The following LRP1B variants were observed in gnomAD, a reference collection of about 807,000 sequenced individuals.
LRP1B encodes the protein low-density lipoprotein receptor-related protein 1B.
In LRP1B, 217 loss-of-function variants were observed where a neutral mutation model predicts 556.6. The observed-to-expected ratio is 0.39, with a 90% CI of 0.35 to 0.44. The LOEUF is 0.44. LRP1B is among the 20% of genes least tolerant of loss of function. LRP1B has a pLI of 1.00. For synonymous variants in LRP1B, 2,047 were observed against 1,865.8 expected, an observed-to-expected ratio of 1.10 and a Z score of -2.50; for missense variants, 5,053 against 5,620.8, an observed-to-expected ratio of 0.90 and a Z score of 3.23.
intron 20 of LRP1B, among the ~76,000 whole-genome samples, chr2:140,941,383 G>A (rs1447884323): frequency 6.6e-6 from 1 of 152,050 alleles, no homozygotes; most frequent in African/African-American, 2.4e-5. Flanking sequence ...GTCAATACGG[G>A]CAACACAGGT....
chr2:140,589,436 A>C (rs1248965401), intron 43 of LRP1B, among the ~76,000 whole-genome samples: 1 of 152,222 alleles, frequency 6.6e-6, no homozygotes, highest in Non-Finnish European at 1.5e-5. Context: ...CCAGTGATTG[A>C]ACTCTTAGAC....
intron 2 of LRP1B, among the ~76,000 whole-genome samples, chr2:141,506,125 A>G (rs1471571384): frequency 3.3e-5 from 5 of 152,052 alleles, no homozygotes. Flanking sequence ...AAATGTTAAC[A>G]TTCTTTCCAT....
chr2:140,818,814 G>A (rs1413970230), intron 31 of LRP1B, among the ~76,000 whole-genome samples: 1 of 151,986 alleles, frequency 6.6e-6, no homozygotes, highest in Non-Finnish European at 1.5e-5. Context: ...TCACACGCCT[G>A]TAGTTGTAGC....
At chr2:142,072,402 A>T (rs556429880) in intron 1 of LRP1B, among the ~76,000 whole-genome samples, 5 of 151,890 alleles carry the variant, frequency 3.3e-5, no homozygotes, top group Non-Finnish European at 2.9e-5. Flanking sequence ...ATGCTCTCTT[A>T]AAACTTATTT....
At chr2:141,074,143 C>T (rs1210275924) in intron 7 of LRP1B, among the ~76,000 whole-genome samples, 1 of 152,052 alleles carries the variant, frequency 6.6e-6, no homozygotes, top group Non-Finnish European at 1.5e-5. Flanking sequence ...ACACCTTGGA[C>T]ATCCAGTGAT....
At chr2:141,106,683 G>T (rs1156559272) in intron 7 of LRP1B, among the ~76,000 whole-genome samples, 2 of 152,184 alleles carry the variant, frequency 1.3e-5, no homozygotes, top group Non-Finnish European at 2.9e-5. Flanking sequence ...TCTGACTTTA[G>T]GGTCTGTAAA....
intron 3 of LRP1B, among the ~76,000 whole-genome samples, chr2:141,321,853 A>G (rs1420209731): frequency 1.3e-5 from 2 of 152,120 alleles, no homozygotes; most frequent in African/African-American, 4.8e-5. Context: ...TGTTGGTAAA[A>G]TAGCTGTTTT....
intron 2 of LRP1B, among the ~76,000 whole-genome samples, chr2:141,718,434 C>A (rs1024474064): frequency 3.9e-5 from 6 of 152,148 alleles, no homozygotes; most frequent in Non-Finnish European, 8.8e-5. Context: ...TACCTCCAAA[C>A]TCATAAAGTC....
chr2:140,246,254 A>T lies in LRP1B; in HGVS notation c.13324+832T>A, dbSNP rs542765919. On this transcript the variant is annotated intron_variant, in intron 87 of 90. Coordinates refer to ENST00000389484, the MANE Select transcript of LRP1B (RefSeq NM_018557.3). ...ACCAGCAGTAAAGGACTAGGGAAAA[A>T]TTGCTAAGGTAAGCAATCTTCCATC... is the stretch of plus-strand genomic sequence containing the variant. Among the ~76,000 whole-genome samples, 16 of 151,512 alleles carry T rather than the reference A, an allele frequency of 1.1e-4. No individual in the cohort carries two copies. The South Asian group carries it at 3.3e-3, about 31-fold the overall frequency.
At chr2:140,925,942 C>G (rs562112677) in intron 20 of LRP1B, among the ~76,000 whole-genome samples, 1 of 151,626 alleles carries the variant, frequency 6.6e-6, no homozygotes, top group East Asian at 1.9e-4. Flanking sequence ...GCTTTGTTTG[C>G]TATTGTTTAT....
intron 87 of LRP1B, among the ~76,000 whole-genome samples, chr2:140,240,862 C>A (rs889545768): frequency 1.3e-5 from 2 of 150,942 alleles, no homozygotes; most frequent in Non-Finnish European, 3.0e-5. Flanking sequence ...TGCACAATAA[C>A]CAGCCACTTA....
chr2:141,397,827 A>C (rs1024464355), intron 3 of LRP1B, among the ~76,000 whole-genome samples: 2 of 150,714 alleles, frequency 1.3e-5, no homozygotes, highest in African/African-American at 4.8e-5. Flanking sequence ...ATATATATTT[A>C]CATTACATAT....
intron 2 of LRP1B, among the ~76,000 whole-genome samples, chr2:141,674,992 T>G (rs1005252486): frequency 1.3e-5 from 2 of 152,040 alleles, no homozygotes; most frequent in African/African-American, 2.4e-5. Flanking sequence ...TGTTTTGATT[T>G]GTATTTTCAC....
intron 40 of LRP1B, 41 bp downstream of exon 40, chr2:140,701,680 C>T (rs769314677): frequency 1.9e-6 from 3 of 1,554,322 alleles, no homozygotes; most frequent in East Asian, 4.6e-5. Flanking sequence ...AGAGAAATCA[C>T]ATAAAATATA....
intron 32 of LRP1B, among the ~76,000 whole-genome samples, chr2:140,790,570 G>C (rs1340805369): frequency 6.6e-6 from 1 of 152,122 alleles, no homozygotes; most frequent in Non-Finnish European, 1.5e-5. Context: ...GAGCAGACTT[G>C]TACTGCTCCT....
intron 2 of LRP1B, among the ~76,000 whole-genome samples, chr2:141,736,469 G>T (rs984799669): frequency 6.6e-6 from 1 of 152,150 alleles, no homozygotes; most frequent in African/African-American, 2.4e-5. Flanking sequence ...ACATAAATAT[G>T]AGAACATCAT....
At chr2:140,377,887 A>G (rs1683303844) in intron 68 of LRP1B, among the ~76,000 whole-genome samples, 1 of 152,180 alleles carries the variant, frequency 6.6e-6, no homozygotes, top group Non-Finnish European at 1.5e-5. Flanking sequence ...TAATTCACAG[A>G]TGGCAGGGGC....
intron 3 of LRP1B, among the ~76,000 whole-genome samples, chr2:141,339,470 T>C (rs1354540633): frequency 6.6e-6 from 1 of 152,210 alleles, no homozygotes; most frequent in Non-Finnish European, 1.5e-5. Context: ...ATATGCTAGA[T>C]GTATGCCAGT....
intron 11 of LRP1B, among the ~76,000 whole-genome samples, chr2:141,047,494 C>G (rs1355046350): frequency 6.6e-6 from 1 of 152,090 alleles, no homozygotes; most frequent in Non-Finnish European, 1.5e-5. Flanking sequence ...TTTAGTCTAT[C>G]TCTCTGCTTT....
Sources: gnomAD v4.1 joint callset for allele counts (sites outside exome capture counted in the v4.1 genomes callset) on GRCh38, gnomAD v4.1.1 for gene constraint, MANE v1.5 for transcripts, NCBI Gene and HGNC (gene_info 2026-07-23, HGNC 2026-07-21) for gene names.